SWAP70: variants seen among roughly 807,000 people sequenced by gnomAD.
SWAP70 encodes switch-associated protein 70.
SWAP70 carries 34 observed loss-of-function variants against 80.2 expected under a neutral mutation model. The observed-to-expected ratio is 0.42, with a 90% CI of 0.32 to 0.56. The LOEUF (loss-of-function observed/expected upper bound fraction) is 0.56. Ranked by LOEUF, SWAP70 falls within the 20% of genes least tolerant of loss-of-function variation. SWAP70 has a pLI of 0.09. For missense variants in SWAP70, 578 were observed against 690.7 expected (o/e 0.84, Z 1.83); for synonymous variants, 239 against 238.5 (o/e 1.00, Z -0.02).
chr11:9,725,589 C>G, intron 4 of SWAP70, among the ~76,000 whole-genome samples: 1 of 70,810 alleles, frequency 1.4e-5, no homozygotes, highest in South Asian at 5.1e-4. Flanking sequence ...TTTTTTTTTT[C>G]CAAGACGGAA....
At chr11:9,675,288 A>G (rs1590010942) in intron 1 of SWAP70, among the ~76,000 whole-genome samples, 1 of 149,142 alleles carries the variant, frequency 6.7e-6, no homozygotes, top group South Asian at 2.2e-4. Context: ...CCCTGTATCC[A>G]AAGAAAAAGA....
intron 1 of SWAP70, among the ~76,000 whole-genome samples, chr11:9,682,182 G>A (rs1850575486): frequency 6.6e-6 from 1 of 152,184 alleles, no homozygotes; most frequent in South Asian, 2.1e-4. Context: ...TGGGAGGTGA[G>A]GGGAGGAGCC....
At chr11:9,748,433 C>T (rs895259504) in intron 10 of SWAP70, among the ~76,000 whole-genome samples, 2 of 152,166 alleles carry the variant, frequency 1.3e-5, no homozygotes, top group Non-Finnish European at 2.9e-5. Context: ...GCTTCTTGCC[C>T]CTTAACCCCA....
chr11:9,722,298 T>C (rs1417055067), intron 3 of SWAP70, among the ~76,000 whole-genome samples: 1 of 152,200 alleles, frequency 6.6e-6, no homozygotes, highest in Non-Finnish European at 1.5e-5. Context: ...CACGCTGAGC[T>C]TTGGGGATTA....
At chr11:9,720,485 T>A (rs1315605395) in intron 3 of SWAP70, 1 of 985,190 alleles carries the variant, frequency 1.0e-6, no homozygotes. Context: ...CAGTAAGAGG[T>A]AGGTGAGGAA....
Position 9,738,318 on chromosome 11 carries a change from C to T in SWAP70, c.1186C>T (p.Leu396Phe). Residue 396 changes from leucine to phenylalanine, a missense_variant and splice_region_variant, in exon 8 of 12, where the codon CTT (leucine) becomes TTT (phenylalanine). Transcript: ENST00000318950. Reference sequence around the variant, plus strand: ...CAGCACAGAGCTGGAAAGAGAGAAGCTTGTGAGTATCACATGGCTGGAGAA... The same window carrying T: ...CAGCACAGAGCTGGAAAGAGAGAAGTTTGTGAGTATCACATGGCTGGAGAA... ...RFSTELEREK[L>F]IRQQMEEQVA... The T allele has an allele frequency of 3.1e-6, 5 of 1,589,118 alleles. No individual in the cohort carries two copies. Among genetic ancestry groups the T allele is most frequent in the Non-Finnish European group, 4.3e-6 (5 of 1,168,238 alleles).
chr11:9,749,729 T>A (rs1036588860), intron 11 of SWAP70, 135 bp from the exon 12 acceptor site: 2 of 593,958 alleles, frequency 3.4e-6, no homozygotes, highest in African/African-American at 3.7e-5. Context: ...CTAATTGTTT[T>A]AGCTGGTATG....
intron 6 of SWAP70, among the ~76,000 whole-genome samples, chr11:9,730,264 G>A (rs1416604155): frequency 1.3e-5 from 2 of 151,744 alleles, no homozygotes; most frequent in African/African-American, 2.4e-5. Context: ...GCAGAGGCGG[G>A]TGGATCATGA....
intron 2 of SWAP70, among the ~76,000 whole-genome samples, chr11:9,706,342 G>T (rs1272144644): frequency 6.8e-6 from 1 of 147,524 alleles, no homozygotes; most frequent in African/African-American, 2.6e-5. Flanking sequence ...TGTATACTTG[G>T]TGATCTGTAT....
At chr11:9,667,065 G>A (rs1443449115) in intron 1 of SWAP70, among the ~76,000 whole-genome samples, 2 of 151,874 alleles carry the variant, frequency 1.3e-5, no homozygotes, top group Non-Finnish European at 2.9e-5. Context: ...GGGTTTCATT[G>A]TATTGCCCAG....
At chr11:9,692,408 C>A (rs1374557761) in intron 1 of SWAP70, among the ~76,000 whole-genome samples, 1 of 151,588 alleles carries the variant, frequency 6.6e-6, no homozygotes, top group Non-Finnish European at 1.5e-5. Flanking sequence ...TTCTTTTCTT[C>A]CTCCCTTTTC....
intron 1 of SWAP70, among the ~76,000 whole-genome samples, chr11:9,672,811 A>G (rs568466913): frequency 1.3e-5 from 2 of 152,274 alleles, no homozygotes; most frequent in Non-Finnish European, 1.5e-5. Context: ...CCTAATTTTT[A>G]ACAAATAGCA....
At chr11:9,737,848 A>T (rs1284082957) in intron 7 of SWAP70, among the ~76,000 whole-genome samples, 1 of 152,248 alleles carries the variant, frequency 6.6e-6, no homozygotes, top group Non-Finnish European at 1.5e-5. Context: ...GTGAGCCGAG[A>T]TCGTGCCACT....
At chr11:9,728,005 CT>C (rs35875258) in intron 4 of SWAP70, 47 bp from the exon 5 acceptor site, 490,514 of 1,516,780 alleles carry the variant, frequency 0.32, 81,143 homozygotes, top group Non-Finnish European at 0.34. Flanking sequence ...GATGTCAGCT[CT>C]TACAAATAAA....
At chr11:9,717,373 C>T (rs1047114254) in intron 3 of SWAP70, among the ~76,000 whole-genome samples, 1 of 152,104 alleles carries the variant, frequency 6.6e-6, no homozygotes, top group African/African-American at 2.4e-5. Flanking sequence ...CTGGCTCAAG[C>T]CTATAATCCC....
At chr11:9,696,725 A>T (rs1335290592) in intron 2 of SWAP70, among the ~76,000 whole-genome samples, 1 of 152,206 alleles carries the variant, frequency 6.6e-6, no homozygotes, top group Non-Finnish European at 1.5e-5. Flanking sequence ...TATGAAAGTA[A>T]TCATTTATAT....
intron 2 of SWAP70, among the ~76,000 whole-genome samples, chr11:9,712,012 A>T (rs1851004961): frequency 6.6e-6 from 1 of 152,110 alleles, no homozygotes; most frequent in East Asian, 1.9e-4. Context: ...AATACCCTTT[A>T]TCCCATTCTT....
At chr11:9,708,989 G>A (rs906540422) in intron 2 of SWAP70, among the ~76,000 whole-genome samples, 4 of 150,334 alleles carry the variant, frequency 2.7e-5, no homozygotes, top group African/African-American at 7.3e-5. Flanking sequence ...CACTACAGCC[G>A]TGAATTTCTG....
chr11:9,690,336 C>T (rs1357190113), intron 1 of SWAP70, among the ~76,000 whole-genome samples: 4 of 152,070 alleles, frequency 2.6e-5, no homozygotes, highest in African/African-American at 7.2e-5. Flanking sequence ...AATCCCAGCA[C>T]GCAGGCCAAG....
Sources: gnomAD v4.1 joint callset for allele counts (sites outside exome capture counted in the v4.1 genomes callset) on GRCh38, gnomAD v4.1.1 for gene constraint, MANE v1.5 for transcripts, NCBI Gene and HGNC (gene_info 2026-07-23, HGNC 2026-07-21) for gene names.